CFAP418: variants seen among roughly 807,000 people sequenced by gnomAD.
CFAP418 encodes cilia and flagella associated protein 418.
Under a neutral mutation model 24.7 loss-of-function variants are expected in CFAP418, and 27 were observed. The ratio of observed to expected loss-of-function variants is 1.09; its 90% CI spans 0.81 to 1.51. The LOEUF (loss-of-function observed/expected upper bound fraction) is 1.51. Among genes scored for constraint, CFAP418 ranks in the 40% most tolerant of loss-of-function variants. The pLI is 0.00. For missense variants in CFAP418, 257 were observed against 255.2 expected (o/e 1.01, Z -0.05); for synonymous variants, 74 against 87.3 (o/e 0.85, Z 0.85).
rs576152384 is a variant in CFAP418, at chr8:95,253,850, CAG to C, written c.375-1569_375-1568del. On this transcript the variant is annotated intron_variant, in intron 4 of 5. Coordinates refer to ENST00000286688, the MANE Select transcript of CFAP418 (RefSeq NM_177965.4). ...ATATATAGTTTATTACATGATTGCA[CAG>C]AGTGTTAACTTTAATGCCTTAATAC... Among the ~76,000 whole-genome samples, 473 of 152,320 alleles carry C rather than the reference CAG, an allele frequency of 3.1e-3. 3 individuals carry two copies. The highest frequency in any genetic ancestry group is 0.011 in the African/African-American group (447 of 41,578).
intron 4 of CFAP418, among the ~76,000 whole-genome samples, chr8:95,259,551 A>G (rs1195152657): frequency 6.6e-6 from 1 of 152,170 alleles, no homozygotes; most frequent in East Asian, 1.9e-4. Flanking sequence ...CACTGCCTGG[A>G]AGGAAGTTCA....
chr8:95,266,941 C>T (rs1275441792), intron 1 of CFAP418, among the ~76,000 whole-genome samples: 4 of 152,134 alleles, frequency 2.6e-5, no homozygotes, highest in Non-Finnish European at 5.9e-5. Context: ...TACATCCTGC[C>T]CCTCCGCATG....
intron 4 of CFAP418, among the ~76,000 whole-genome samples, chr8:95,259,302 G>A (rs1811847411): frequency 6.6e-6 from 1 of 152,236 alleles, no homozygotes; most frequent in Admixed American, 6.5e-5. Context: ...TGGGTTTGGG[G>A]TAGGTGGCAT....
chr8:95,253,208 G>A (rs1811735331), intron 4 of CFAP418, among the ~76,000 whole-genome samples: 1 of 152,112 alleles, frequency 6.6e-6, no homozygotes, highest in African/African-American at 2.4e-5. Flanking sequence ...TACTCAGGAG[G>A]CTGAGGCAGG....
chr8:95,257,941 GC>G (rs1811818060), intron 4 of CFAP418, among the ~76,000 whole-genome samples: 1 of 152,134 alleles, frequency 6.6e-6, no homozygotes, highest in Non-Finnish European at 1.5e-5. Context: ...TGAGATGACA[GC>G]CCCATGCGTG....
At chr8:95,250,971 T>C (rs1811697291) in intron 5 of CFAP418, among the ~76,000 whole-genome samples, 1 of 152,216 alleles carries the variant, frequency 6.6e-6, no homozygotes, top group Non-Finnish European at 1.5e-5. Context: ...CTTTATGCTA[T>C]TGAAAAGTGC....
intron 1 of CFAP418, among the ~76,000 whole-genome samples, chr8:95,268,625 G>A (rs556688695): frequency 1.3e-5 from 2 of 152,142 alleles, no homozygotes; most frequent in South Asian, 4.2e-4. Flanking sequence ...TGCGGCCGAG[G>A]TCAGCACAGC....
At chr8:95,268,775 C>CGGGGCGGGGA (rs1812065257) in intron 1 of CFAP418, 2 of 113,512 alleles carry the variant, frequency 1.8e-5, no homozygotes, top group Non-Finnish European at 2.8e-5. Flanking sequence ...CGGGGCGGGG[C>CGGGGCGGGGA]GGGGCGGGGC....
chr8:95,259,914 G>A lies in CFAP418; in HGVS notation c.309-9C>T. On this transcript the variant is annotated splice_polypyrimidine_tract_variant and intron_variant, in intron 3 of 5. Coordinates refer to ENST00000286688, the MANE Select transcript of CFAP418 (RefSeq NM_177965.4). Reference sequence around the variant, plus strand: ...GGTACACCGGACTGCAACTAGATGTGTTCAACAGATGCAAAAATATGAAGT... The same window carrying A: ...GGTACACCGGACTGCAACTAGATGTATTCAACAGATGCAAAAATATGAAGT... 3 of 1,561,122 alleles carry A rather than the reference G, an allele frequency of 1.9e-6. No individual in the cohort carries two copies. The highest frequency in any genetic ancestry group is 2.6e-6 in the Non-Finnish European group (3 of 1,161,166).
At chr8:95,257,241 GCAA>G (rs1035641929) in intron 4 of CFAP418, among the ~76,000 whole-genome samples, 2 of 152,186 alleles carry the variant, frequency 1.3e-5, no homozygotes, top group Admixed American at 6.5e-5. Flanking sequence ...AGGACTGACA[GCAA>G]CAACACTACC....
rs760870430 is a variant in CFAP418 at position 95,269,131 on chromosome 8, T to C, written c.59A>G (p.Asp20Gly). ...CTCGACCATACCCCGTCTTAGAAGG[T>C]CAGGTGTGCAAAACTTGGACTCGAC... ...DEVESKFCTPDLLRRGMVEQP... is the reference protein window; with the variant it reads ...DEVESKFCTPGLLRRGMVEQP... Residue 20 changes from aspartate (D) to glycine (G), a missense_variant, in exon 1 of 6, where the codon GAC (aspartate) becomes GGC (glycine). Asp to Gly is a moderately conservative substitution (Grantham distance 94). Transcript: ENST00000286688. The C allele has an allele frequency of 6.2e-7, 1 of 1,614,192 alleles. No homozygotes were observed.
Position 95,245,045 on chromosome 8 carries a change from A to G in CFAP418, c.*2572T>C, listed in dbSNP as rs1415678317. On this transcript the variant is annotated 3_prime_UTR_variant, in exon 6 of 6. Coordinates refer to ENST00000286688, the MANE Select transcript of CFAP418 (RefSeq NM_177965.4). Reference sequence around the variant, plus strand: ...ATAATACAGTTCAAATAAAGAAGTTACCTGGCTTAAAAATAGCTACTTGCT... The same window carrying G: ...ATAATACAGTTCAAATAAAGAAGTTGCCTGGCTTAAAAATAGCTACTTGCT... 6.6e-6 allele frequency: 1 copy of G among 152,206 alleles called. No individual in the cohort carries two copies. Among genetic ancestry groups the G allele is most frequent in the East Asian group, 1.9e-4 (1 of 5,202 alleles). 9.4% of individuals were successfully genotyped at this position (152,206 alleles called of 1,614,324 possible).
At chr8:95,258,165 G>C (rs1039431417) in intron 4 of CFAP418, among the ~76,000 whole-genome samples, 1 of 152,100 alleles carries the variant, frequency 6.6e-6, no homozygotes, top group Non-Finnish European at 1.5e-5. Context: ...AACAGATCAT[G>C]AGGTCAGGAG....
intron 5 of CFAP418, among the ~76,000 whole-genome samples, chr8:95,250,131 G>A (rs1811685291): frequency 6.6e-6 from 1 of 152,038 alleles, no homozygotes; most frequent in Non-Finnish European, 1.5e-5. Flanking sequence ...AATGTCTACT[G>A]GTAAACACCA....
intron 5 of CFAP418, among the ~76,000 whole-genome samples, chr8:95,248,979 C>G (rs1811668913): frequency 6.6e-6 from 1 of 152,110 alleles, no homozygotes; most frequent in Non-Finnish European, 1.5e-5. Context: ...ATTTTCCAAG[C>G]CAACTGTCTG....
At chr8:95,258,829 C>T (rs529975782) in intron 4 of CFAP418, among the ~76,000 whole-genome samples, 7 of 152,314 alleles carry the variant, frequency 4.6e-5, no homozygotes, top group African/African-American at 1.7e-4. Context: ...CCACTGCCTA[C>T]TGTATTCAGT....
chr8:95,266,418 T>C (rs769480528), intron 1 of CFAP418, among the ~76,000 whole-genome samples: 48 of 152,304 alleles, frequency 3.2e-4, no homozygotes, highest in Non-Finnish European at 6.6e-4. Context: ...ACATTAGCAG[T>C]TGTTCCTGGT....
rs140687839 is a variant in CFAP418, at chr8:95,268,895, G to C, written c.155+140C>G. ...ACGAATGCGCTGCCGCGGAGGGTAG[G>C]GCGCTGAGGGTCTGAACCCTGATGC... On this transcript the variant is annotated intron_variant, in intron 1 of 5. Coordinates refer to ENST00000286688, the MANE Select transcript of CFAP418 (RefSeq NM_177965.4). 0.027 allele frequency: 23,902 copies of C among 879,498 alleles called. 446 individuals are homozygous for C. Among genetic ancestry groups the C allele is most frequent in the Non-Finnish European group, 0.033 (18,888 of 568,626 alleles). The allele number at this position is 879,498 out of a possible 1,614,324, so 54.5% of individuals were successfully genotyped here. A position where few individuals can be genotyped will look rare whatever the true frequency, so the allele number is the denominator to read the frequency against.
In CFAP418 at chr8:95,247,745, A is replaced by G; in HGVS notation, c.496T>C (p.Leu166=). ...FRNNMPEFHK[L]KAKLIKKKGT... ...TTCTTCTTTATCAACTTTGCTTTTA[A>G]TTTGTGAAATTCTGGCATGTTGTTC... Residue 166 remains leucine, a synonymous_variant, in exon 6 of 6, where the codon TTA becomes CTA. Transcript: ENST00000286688. 1 of 1,611,708 alleles carries G rather than the reference A, an allele frequency of 6.2e-7. No individual in the cohort carries two copies. Among genetic ancestry groups the G allele is most frequent in the Non-Finnish European group, 8.5e-7 (1 of 1,178,702 alleles).
Sources: allele counts gnomAD v4.1 joint callset (sites outside exome capture counted in the v4.1 genomes callset), GRCh38; gene constraint gnomAD v4.1.1; transcripts MANE v1.5; gene names NCBI Gene and HGNC (gene_info 2026-07-23, HGNC 2026-07-21).